The following KPNA3 variants were observed in gnomAD, a reference collection of about 807,000 sequenced individuals.
The protein encoded by KPNA3 is karyopherin subunit alpha 3.
In KPNA3, 13 loss-of-function variants were observed where a neutral mutation model predicts 73.8. That is an observed-to-expected ratio of 0.18 (90% CI 0.11 to 0.28). The LOEUF is 0.28. Ranked by LOEUF, KPNA3 falls within the 10% of genes least tolerant of loss-of-function variation. KPNA3 has a pLI of 1.00. For missense variants in KPNA3, 360 were observed against 618.1 expected, an observed-to-expected ratio of 0.58 and a Z score of 4.43; for synonymous variants, 186 against 206.9, an observed-to-expected ratio of 0.90 and a Z score of 0.87.
chr13:49,722,630 A>ATCT, intron 7 of KPNA3, 67 bp from the exon 8 acceptor site: 3 of 981,114 alleles, frequency 3.1e-6, no homozygotes, highest in Non-Finnish European at 4.7e-6. Flanking sequence ...TTCAGATCAA[A>ATCT]GAAATTGATC....
At chr13:49,774,477 C>A (rs1159419425) in intron 1 of KPNA3, among the ~76,000 whole-genome samples, 2 of 152,102 alleles carry the variant, frequency 1.3e-5, no homozygotes, top group Non-Finnish European at 2.9e-5. Context: ...CCTTCTCTGC[C>A]TTTTAGACAA....
intron 1 of KPNA3, among the ~76,000 whole-genome samples, chr13:49,783,225 A>G (rs555458974): frequency 4.4e-4 from 67 of 152,284 alleles, no homozygotes; most frequent in African/African-American, 1.6e-3. Flanking sequence ...TCTAGTATGT[A>G]TACAACCTCC....
intron 1 of KPNA3, among the ~76,000 whole-genome samples, chr13:49,788,020 G>A (rs1954999458): frequency 6.6e-6 from 1 of 152,162 alleles, no homozygotes; most frequent in African/African-American, 2.4e-5. Flanking sequence ...TCCAGGCTTT[G>A]CCACTTAACA....
chr13:49,765,107 C>A (rs1051959023), intron 1 of KPNA3, among the ~76,000 whole-genome samples: 1 of 152,118 alleles, frequency 6.6e-6, no homozygotes, highest in Non-Finnish European at 1.5e-5. Flanking sequence ...CTCTACAAAC[C>A]CTTTCTAGGT....
At chr13:49,740,822 T>C (rs1277041320) in intron 2 of KPNA3, among the ~76,000 whole-genome samples, 1 of 144,498 alleles carries the variant, frequency 6.9e-6, no homozygotes, top group African/African-American at 2.5e-5. Context: ...CCCCCACCCC[T>C]GGCCCCAGCC....
chr13:49,704,281 GGC>G (rs1045209139), intron 15 of KPNA3, among the ~76,000 whole-genome samples: 34 of 152,026 alleles, frequency 2.2e-4, no homozygotes, highest in African/African-American at 6.3e-4. Flanking sequence ...AATTTAGCCG[GGC>G]GTGGTGGTGC....
intron 2 of KPNA3, among the ~76,000 whole-genome samples, chr13:49,742,466 CTGTG>C (rs112427064): frequency 0.027 from 4,170 of 152,182 alleles, 194 homozygotes; most frequent in African/African-American, 0.094. Flanking sequence ...TTCCACTGTT[CTGTG>C]TGTGTGTTTT....
chr13:49,756,687 T>C (rs1303427767), intron 1 of KPNA3, among the ~76,000 whole-genome samples: 1 of 152,184 alleles, frequency 6.6e-6, no homozygotes, highest in Admixed American at 6.5e-5. Flanking sequence ...ATCCCAGCAA[T>C]ATATTTTGCA....
intron 1 of KPNA3, among the ~76,000 whole-genome samples, chr13:49,761,024 A>G (rs1954754295): frequency 6.6e-6 from 1 of 152,192 alleles, no homozygotes; most frequent in Non-Finnish European, 1.5e-5. Flanking sequence ...CTATATTTTA[A>G]ATAACATACA....
At chr13:49,735,959 G>C (rs147640121) in intron 2 of KPNA3, among the ~76,000 whole-genome samples, 1 of 152,158 alleles carries the variant, frequency 6.6e-6, no homozygotes, top group African/African-American at 2.4e-5. Flanking sequence ...TGAAAAACTG[G>C]CTTGCAATTC....
chr13:49,761,768 G>A (rs1488148079), intron 1 of KPNA3, among the ~76,000 whole-genome samples: 22 of 150,608 alleles, frequency 1.5e-4, no homozygotes, highest in African/African-American at 4.7e-4. Flanking sequence ...GCCTCTTCCC[G>A]GCTGCCATCC....
intron 1 of KPNA3, among the ~76,000 whole-genome samples, chr13:49,750,048 T>C (rs577114346): frequency 6.6e-6 from 1 of 152,314 alleles, no homozygotes; most frequent in East Asian, 1.9e-4. Flanking sequence ...GTCCACTCTG[T>C]CTCTTAAGCT....
At chr13:49,732,517 A>C in intron 5 of KPNA3, 51 bp from the exon 6 acceptor site, 1 of 1,461,822 alleles carries the variant, frequency 6.8e-7, no homozygotes, top group Non-Finnish European at 9.5e-7. Flanking sequence ...AAACTGTGAA[A>C]AGAAATAACA....
In KPNA3 at chr13:49,722,039, G is replaced by A. The variant is rs1426140119; in HGVS notation, c.642C>T (p.Ile214=). ...CCCATGTGACGTTCCGAAGGAAGGT[G>A]ATGGGGATGGAGGGACTGATGAAGG... The part of the protein sequence containing the change: ...LLSFISPSIP[I]TFLRNVTWVI... Residue 214 remains isoleucine (I), a synonymous_variant, in exon 9 of 17, where the codon ATC becomes ATT. Transcript: ENST00000261667. The A allele has an allele frequency of 2.5e-6, 4 of 1,611,772 alleles. No homozygotes were observed. The East Asian group carries it at 6.7e-5, about 27-fold the overall frequency.
chr13:49,785,993 G>A (rs962248449), intron 1 of KPNA3, among the ~76,000 whole-genome samples: 1 of 152,176 alleles, frequency 6.6e-6, no homozygotes, highest in African/African-American at 2.4e-5. Flanking sequence ...TTATTTAAGA[G>A]TGCTAAACAT....
intron 1 of KPNA3, among the ~76,000 whole-genome samples, chr13:49,789,504 T>G (rs1955015606): frequency 6.6e-6 from 1 of 152,126 alleles, no homozygotes; most frequent in African/African-American, 2.4e-5. Flanking sequence ...TAACATCTTG[T>G]GTATCAGCTG....
chr13:49,784,212 A>T lies in KPNA3; in HGVS notation c.69+8226T>A, dbSNP rs114097487. Among the ~76,000 whole-genome samples, 537 of 152,256 alleles carry T rather than the reference A, an allele frequency of 3.5e-3. 5 individuals carry two copies. The highest frequency in any genetic ancestry group is 0.013 in the African/African-American group (527 of 41,540). ...GCACTCCAGCCCAGGTAACAGCAAG[A>T]TTCTGTCTCAAAAATAATGTTTAAA... On this transcript the variant is annotated intron_variant, in intron 1 of 16. Transcript: ENST00000261667.
At chr13:49,725,632 G>T in intron 6 of KPNA3, 131 bp from the exon 7 acceptor site, 1 of 506,028 alleles carries the variant, frequency 2.0e-6, no homozygotes, top group Non-Finnish European at 3.3e-6. Flanking sequence ...CCAATTGCCT[G>T]CTAGCCAACC....
At position 49,701,630 on chromosome 13, in the gene KPNA3, T is replaced by TA. The variant is rs1321334403; in HGVS notation, c.*169dup. ...GCATATGCATTTACAGTCCATGTGA[T>TA]AGTGACTTTTGGCAACTGCAAAGTG... On this transcript the variant is annotated 3_prime_UTR_variant, in exon 17 of 17. Coordinates refer to ENST00000261667, the MANE Select transcript of KPNA3 (RefSeq NM_002267.4). 1.3e-6 allele frequency: 1 copy of TA among 753,822 alleles called. No individual in the cohort carries two copies. Among genetic ancestry groups the TA allele is most frequent in the African/African-American group, 1.7e-5 (1 of 58,612 alleles). The allele number at this position is 753,822 out of a possible 1,614,324, so 46.7% of individuals were successfully genotyped here.
Sources: allele counts gnomAD v4.1 joint callset (sites outside exome capture counted in the v4.1 genomes callset), GRCh38; gene constraint gnomAD v4.1.1; transcripts MANE v1.5; gene names NCBI Gene and HGNC (gene_info 2026-07-23, HGNC 2026-07-21).